The following DBN1 variants were observed in gnomAD, a reference collection of about 807,000 sequenced individuals.
The protein encoded by DBN1 is drebrin.
DBN1 carries 21 observed loss-of-function variants against 83.5 expected under a neutral mutation model. The observed-to-expected ratio is 0.25, with a 90% CI of 0.18 to 0.36. The LOEUF (loss-of-function observed/expected upper bound fraction) is 0.36. Among genes scored for constraint, DBN1 ranks in the 10% least tolerant of loss-of-function variants. The pLI, the probability that DBN1 is intolerant of heterozygous loss-of-function variation, is 1.00. For synonymous variants in DBN1, 381 were observed against 384.9 expected (o/e 0.99, Z 0.12); for missense variants, 874 against 935.7 (o/e 0.93, Z 0.86).
chr5:177,472,201 GC>G (rs1430490100), intron 1 of DBN1: 15 of 1,613,638 alleles, frequency 9.3e-6, no homozygotes, highest in Admixed American at 5.0e-5. Flanking sequence ...TGCCATGGAT[GC>G]CCAGCCATCT....
In DBN1 at chr5:177,460,597, TGA is replaced by T. The variant is rs763544746; in HGVS notation, c.832-44_832-43del. 39 of 1,614,068 alleles carry T rather than the reference TGA, an allele frequency of 2.4e-5. No individual in the cohort carries two copies. The South Asian group carries it at 4.2e-4, about 17-fold the overall frequency. On this transcript the variant is annotated intron_variant, in intron 9 of 14. Transcript: ENST00000393565. The stretch of plus-strand genomic sequence containing the variant: ...AAGGTTGGGGCTGGGCCAGGCAAGC[TGA>T]GATAGCCCTGTCTGCCTCACCTGGC...
chr5:177,468,578 CAA>C (rs1410080227), intron 2 of DBN1: 1 of 438,672 alleles, frequency 2.3e-6, no homozygotes, highest in South Asian at 7.0e-5. Flanking sequence ...GCCCTTCCCC[CAA>C]AGTGTCCCAG....
chr5:177,469,774 C>T (rs895785908), intron 1 of DBN1, among the ~76,000 whole-genome samples: 1 of 152,228 alleles, frequency 6.6e-6, no homozygotes, highest in South Asian at 2.1e-4. Context: ...TCCTCCATCA[C>T]CCCATGCAGG....
At chr5:177,472,048 C>A (rs1757880509) in intron 1 of DBN1, 8 of 1,524,780 alleles carry the variant, frequency 5.2e-6, no homozygotes, top group Admixed American at 2.2e-5. Flanking sequence ...CTCAGCCCCC[C>A]TGGGGCAGGG....
At chr5:177,460,847 A>G in intron 8 of DBN1, 144 bp from the exon 9 acceptor site, 2 of 781,222 alleles carry the variant, frequency 2.6e-6, no homozygotes, top group Non-Finnish European at 4.1e-6. Context: ...TGGTACAATC[A>G]CGGCTCACTG....
chr5:177,467,583 G>A lies in DBN1; in HGVS notation c.375C>T (p.Asp125=), dbSNP rs374573989. The A allele has an allele frequency of 1.3e-5, 21 of 1,568,638 alleles. No homozygotes were observed. The East Asian group carries it at 1.4e-4, about 11-fold the overall frequency. Residue 125 remains aspartate, a synonymous_variant, in exon 5 of 15, where the codon GAC becomes GAT. Coordinates refer to ENST00000393565, the MANE Select transcript of DBN1 (RefSeq NM_001363541.2). This position sits in a 1 kb window ranked among gnomAD's most constrained non-coding sequence, Gnocchi z 9.1. ...AGAGCCGCTGCCCGATGGCACCCGCGTCTATGTCTTCCACGCTGCTGGCGT... is the reference window on the plus strand; with the variant it reads ...AGAGCCGCTGCCCGATGGCACCCGCATCTATGTCTTCCACGCTGCTGGCGT... ...IVNASSVEDI[D]AGAIGQRLSN... is the part of the protein sequence containing the mutation.
intron 1 of DBN1, chr5:177,472,242 G>A: frequency 6.2e-7 from 1 of 1,613,100 alleles, no homozygotes; most frequent in Admixed American, 1.7e-5. Context: ...CCCCAGGTCA[G>A]AGTCCCCACC....
chr5:177,456,697 A>C lies in DBN1; in HGVS notation c.*736T>G, dbSNP rs1309017980. The C allele has an allele frequency of 8.1e-5, 11 of 136,088 alleles. No individual in the cohort carries two copies. Among genetic ancestry groups the C allele is most frequent in the African/African-American group, 2.6e-4 (10 of 38,428 alleles). 8.4% of individuals were successfully genotyped at this position (136,088 alleles called of 1,614,324 possible). ...CCAAAAAAAAAAAAAAAAAAAAAAA[A>C]AAAACAGTTACTAAACGTGAAAAAG... is the stretch of plus-strand genomic sequence containing the variant. On this transcript the variant is annotated 3_prime_UTR_variant, in exon 15 of 15. Coordinates refer to ENST00000393565, the MANE Select transcript of DBN1 (RefSeq NM_001363541.2).
rs1757448306 is a variant in DBN1, at chr5:177,466,484, C to T, written c.771+288G>A. 6.6e-6 allele frequency among the ~76,000 whole-genome samples: 1 copy of T among 152,238 alleles called. No homozygotes were observed. Among genetic ancestry groups the T allele is most frequent in the Non-Finnish European group, 1.5e-5 (1 of 68,038 alleles). On this transcript the variant is annotated intron_variant, in intron 8 of 14. Transcript: ENST00000393565. The surrounding 1 kb of genome is among the most constrained non-coding windows in gnomAD (Gnocchi z 4.8). ...ACAGTGTCTAATCGCCGAGAAACCC[C>T]AGGGCAGGGGAGGGGGAGCCTGGTC...
At chr5:177,465,619 G>A (rs1757390459) in intron 8 of DBN1, among the ~76,000 whole-genome samples, 1 of 152,126 alleles carries the variant, frequency 6.6e-6, no homozygotes, top group Admixed American at 6.5e-5. Flanking sequence ...ACTTTGGGAG[G>A]CCGAGGCGGG....
chr5:177,471,967 C>T (rs753813337), intron 1 of DBN1: 14 of 750,058 alleles, frequency 1.9e-5, no homozygotes, highest in African/African-American at 3.7e-5. Context: ...TCTCCCCAGG[C>T]GGGGCCTTAT....
Position 177,466,320 on chromosome 5 carries a change from A to C in DBN1, c.771+452T>G, listed in dbSNP as rs1199120971. Reference sequence around the variant, plus strand: ...ATTCCCAATGTGTGGAGATTCAGACAGTACCCCTGGAACAAAGGGGCTGCT... The same window carrying C: ...ATTCCCAATGTGTGGAGATTCAGACCGTACCCCTGGAACAAAGGGGCTGCT... On this transcript the variant is annotated intron_variant, in intron 8 of 14. Transcript: ENST00000393565. The surrounding 1 kb of genome is among the most constrained non-coding windows in gnomAD (Gnocchi z 4.8). 1.3e-5 allele frequency among the ~76,000 whole-genome samples: 2 copies of C among 152,256 alleles called. No individual in the cohort carries two copies. Among genetic ancestry groups the C allele is most frequent in the South Asian group, 4.1e-4 (2 of 4,830 alleles).
chr5:177,462,697 T>C (rs1280954137), intron 8 of DBN1, among the ~76,000 whole-genome samples: 1 of 152,154 alleles, frequency 6.6e-6, no homozygotes, highest in African/African-American at 2.4e-5. Context: ...GGTGGTGAAG[T>C]CCCAGGGCTG....
Position 177,467,176 on chromosome 5 carries a change from C to T in DBN1, c.555+79G>A. The T allele has an allele frequency of 6.2e-7, 1 of 1,607,236 alleles. No homozygotes were observed. Among genetic ancestry groups the T allele is most frequent in the Non-Finnish European group, 8.5e-7 (1 of 1,174,356 alleles). On this transcript the variant is annotated intron_variant, in intron 6 of 14. Coordinates refer to ENST00000393565, the MANE Select transcript of DBN1 (RefSeq NM_001363541.2). This position sits in a 1 kb window ranked among gnomAD's most constrained non-coding sequence, Gnocchi z 9.1. ...GCGGGGCACGTGGCATGGGCCATGCCACTGCAGTGAGGGACTCAGACCTGC... is the reference window on the plus strand; with the variant it reads ...GCGGGGCACGTGGCATGGGCCATGCTACTGCAGTGAGGGACTCAGACCTGC...
chr5:177,457,458 T>A lies in DBN1; in HGVS notation c.2063A>T (p.Glu688Val). 6.2e-7 allele frequency: 1 copy of A among 1,614,146 alleles called. No individual in the cohort carries two copies. The highest frequency in any genetic ancestry group is 2.2e-5 in the East Asian group (1 of 44,884). Residue 688 changes from glutamate to valine, a missense_variant, in exon 15 of 15, where the codon GAG becomes GTG. This residue lies in a region of DBN1 where 725 missense variants were observed against 719.7 expected (regional missense o/e 1.01). Coordinates refer to ENST00000393565, the MANE Select transcript of DBN1 (RefSeq NM_001363541.2). ...CWDADPVPEE[E>V]EGFEGGD ...CTAATCACCACCCTCGAAGCCCTCC[T>A]CCTCTTCTGGAACTGGGTCTGCATC...
Position 177,459,275 on chromosome 5 carries a change from A to C in DBN1, c.1094-7T>G, listed in dbSNP as rs1455011606. 1 of 1,604,006 alleles carries C rather than the reference A, an allele frequency of 6.2e-7. No individual in the cohort carries two copies. The highest frequency in any genetic ancestry group is 8.5e-7 in the Non-Finnish European group (1 of 1,178,868). On this transcript the variant is annotated splice_region_variant and splice_polypyrimidine_tract_variant and intron_variant, in intron 11 of 14. Coordinates refer to ENST00000393565, the MANE Select transcript of DBN1 (RefSeq NM_001363541.2). The stretch of plus-strand genomic sequence containing the variant: ...TGGCTGTCCAGGTGGCTGCCTGTGG[A>C]ACAAACCCCAGGTGGGTCAGTGAGG...
chr5:177,461,047 G>A (rs1340872762), intron 8 of DBN1, among the ~76,000 whole-genome samples: 1 of 151,508 alleles, frequency 6.6e-6, no homozygotes, highest in Non-Finnish European at 1.5e-5. Context: ...CCAAAGTGTT[G>A]GGATGGATTA....
intron 8 of DBN1, among the ~76,000 whole-genome samples, chr5:177,465,018 G>A (rs910707612): frequency 6.6e-6 from 1 of 152,188 alleles, no homozygotes; most frequent in South Asian, 2.1e-4. Flanking sequence ...GCCGGACGTG[G>A]TGGCGGGCAC....
chr5:177,459,746 G>A lies in DBN1; in HGVS notation c.956-6C>T, dbSNP rs114221043. ...GAAAGGGCAGTACGGACGACCTGCCGAGAGAGACAGACAGAGAAAGAGACA... is the reference window on the plus strand; with the variant it reads ...GAAAGGGCAGTACGGACGACCTGCCAAGAGAGACAGACAGAGAAAGAGACA... On this transcript the variant is annotated splice_region_variant and splice_polypyrimidine_tract_variant and intron_variant, in intron 10 of 14. Transcript: ENST00000393565. 2.3e-3 allele frequency: 3,460 copies of A among 1,490,278 alleles called. 69 individuals carry two copies. In the African/African-American group the frequency reaches 0.042, roughly 18 times the overall value. 92.3% of individuals were successfully genotyped at this position (1,490,278 alleles called of 1,614,324 possible). A position where few individuals can be genotyped will look rare whatever the true frequency, so the allele number is the denominator to read the frequency against.
Sources: gnomAD v4.1 joint callset for allele counts (sites outside exome capture counted in the v4.1 genomes callset) on GRCh38, gnomAD v4.1.1 for gene constraint, gnomAD v4.1.1 regional missense constraint, Gnocchi (gnomAD v3.1) non-coding constraint, MANE v1.5 for transcripts, NCBI Gene and HGNC (gene_info 2026-07-23, HGNC 2026-07-21) for gene names.